Variants in GSE1 observed in about 807,000 individuals in gnomAD.
The protein encoded by GSE1 is genetic suppressor element 1.
A neutral mutation model predicts 112.6 loss-of-function variants in GSE1; 32 were observed. The ratio of observed to expected loss-of-function variants is 0.28; its 90% CI spans 0.21 to 0.38. The LOEUF (loss-of-function observed/expected upper bound fraction) is 0.38, where lower values mean the gene tolerates loss of function less well. Ranked by LOEUF, GSE1 falls within the 10% of genes least tolerant of loss-of-function variation. The pLI, the probability that GSE1 is intolerant of heterozygous loss-of-function variation, is 1.00. For synonymous variants in GSE1, 1,115 were observed against 735.6 expected, an observed-to-expected ratio of 1.52 and a Z score of -8.35; for missense variants, 2,348 against 1,699.2, an observed-to-expected ratio of 1.38 and a Z score of -6.71.
intron 1 of GSE1, among the ~76,000 whole-genome samples, chr16:85,242,937 G>T (rs1905276021): frequency 6.6e-6 from 1 of 152,132 alleles, no homozygotes; most frequent in Non-Finnish European, 1.5e-5. Context: ...CCAGCCTCCT[G>T]AGTAGCTGAG....
intron 2 of GSE1, among the ~76,000 whole-genome samples, chr16:85,508,200 AT>A (rs1177480427): frequency 6.6e-6 from 1 of 151,884 alleles, no homozygotes; most frequent in Non-Finnish European, 1.5e-5. Context: ...CGCCCAGCTA[AT>A]TTTTGTGTTT....
intron 2 of GSE1, among the ~76,000 whole-genome samples, chr16:85,481,003 C>T (rs561659648): frequency 1.3e-5 from 2 of 152,234 alleles, no homozygotes; most frequent in African/African-American, 4.8e-5. Context: ...GCTCTGATTT[C>T]AGTTTTATTT....
chr16:85,280,991 T>C (rs563499384), intron 1 of GSE1, among the ~76,000 whole-genome samples: 93 of 152,248 alleles, frequency 6.1e-4, no homozygotes, highest in Non-Finnish European at 4.9e-4. Context: ...CCTGGGCCGG[T>C]CAGAGCTGCC....
intron 1 of GSE1, among the ~76,000 whole-genome samples, chr16:85,314,686 G>A (rs2045950320): frequency 6.6e-6 from 1 of 152,176 alleles, no homozygotes; most frequent in Non-Finnish European, 1.5e-5. Context: ...TGGGTCTCTG[G>A]CTTAGAAGCC....
intron 1 of GSE1, among the ~76,000 whole-genome samples, chr16:85,307,508 A>G (rs1306957459): frequency 6.6e-6 from 1 of 152,220 alleles, no homozygotes; most frequent in African/African-American, 2.4e-5. Flanking sequence ...GGAGGGACCC[A>G]TGGGGTGAGC....
At chr16:85,304,609 T>TGGGGGGG (rs34644508) in intron 1 of GSE1, among the ~76,000 whole-genome samples, 3 of 110,940 alleles carry the variant, frequency 2.7e-5, no homozygotes, top group African/African-American at 9.1e-5. Flanking sequence ...GGCGGGGGGG[T>TGGGGGGG]GGGGCATCCC....
intron 1 of GSE1, among the ~76,000 whole-genome samples, chr16:85,561,895 C>G (rs976272698): frequency 6.6e-6 from 1 of 152,224 alleles, no homozygotes; most frequent in Non-Finnish European, 1.5e-5. Flanking sequence ...GGCAGGGGCT[C>G]AGGCCCACCT....
intron 1 of GSE1, among the ~76,000 whole-genome samples, chr16:85,312,148 C>T (rs538311562): frequency 4.2e-5 from 6 of 143,592 alleles, no homozygotes; most frequent in South Asian, 4.3e-4. Context: ...CATCCCCTCC[C>T]GTGTGCCCAG....
At chr16:85,560,412 C>A (rs979315541) in intron 1 of GSE1, among the ~76,000 whole-genome samples, 1 of 152,090 alleles carries the variant, frequency 6.6e-6, no homozygotes, top group Non-Finnish European at 1.5e-5. Context: ...TGTGAGCCAC[C>A]GCACCTGGCC....
At chr16:85,329,783 A>T (rs1370887178) in intron 1 of GSE1, among the ~76,000 whole-genome samples, 2 of 150,626 alleles carry the variant, frequency 1.3e-5, no homozygotes, top group Non-Finnish European at 3.0e-5. Context: ...CAAGGAACTC[A>T]TTAAAACAGT....
Position 85,383,059 on chromosome 16 carries a change from GCA to G in GSE1, c.2464+25427_2464+25428del, listed in dbSNP as rs200672247. 1.2e-3 allele frequency among the ~76,000 whole-genome samples: 172 copies of G among 146,082 alleles called. 4 individuals carry two copies. The South Asian group carries it at 0.029, about 25-fold the overall frequency. On this transcript the variant is annotated intron_variant, in intron 2 of 2. Coordinates refer to the GSE1 transcript ENST00000637419. ...ACACACACCGTGTACATGCATGTGC[GCA>G]CACACACACATGTAATCACAGCCTT...
intron 1 of GSE1, among the ~76,000 whole-genome samples, chr16:85,255,434 C>T (rs1436043826): frequency 4.2e-5 from 6 of 141,798 alleles, no homozygotes; most frequent in Admixed American, 1.4e-4. Flanking sequence ...TTTTTTGAGA[C>T]GGAGTCTTGC....
At chr16:85,442,475 TAGAG>T (rs888428152) in intron 2 of GSE1, among the ~76,000 whole-genome samples, 22 of 140,798 alleles carry the variant, frequency 1.6e-4, no homozygotes, top group Non-Finnish European at 1.6e-4. Flanking sequence ...AATGAAGGGA[TAGAG>T]AGAGGGGAGC....
intron 2 of GSE1, among the ~76,000 whole-genome samples, chr16:85,403,099 G>GT (rs397776216): frequency 3.3e-5 from 5 of 151,624 alleles, no homozygotes; most frequent in Non-Finnish European, 4.4e-5. Context: ...GCTGGGGGGG[G>GT]ACTCAGTTCC....
At chr16:85,408,527 A>G (rs1220474778) in intron 2 of GSE1, among the ~76,000 whole-genome samples, 3 of 37,726 alleles carry the variant, frequency 8.0e-5, no homozygotes, top group African/African-American at 3.5e-4. Context: ...GGCCCCCTGG[A>G]TAATCCTCAC....
intron 2 of GSE1, among the ~76,000 whole-genome samples, chr16:85,438,829 C>A (rs1417745486): frequency 6.6e-6 from 1 of 152,200 alleles, no homozygotes; most frequent in Non-Finnish European, 1.5e-5. Flanking sequence ...CTGGGACCAG[C>A]CCTCAGGTCT....
chr16:85,499,295 CTTTTTTTTTTTTTTTTTTTTTTT>C (rs568776401), intron 2 of GSE1, among the ~76,000 whole-genome samples: 1 of 77,162 alleles, frequency 1.3e-5, no homozygotes, highest in African/African-American at 5.1e-5. Context: ...GGAAAGTCAC[CTTTTTTTTTTTTTTTTTTTTTTT>C]TTTTTTTTTT....
chr16:85,651,500 G>A (rs2051353040), intron 3 of GSE1, among the ~76,000 whole-genome samples: 1 of 152,198 alleles, frequency 6.6e-6, no homozygotes, highest in Non-Finnish European at 1.5e-5. Flanking sequence ...GAGGGGAGAA[G>A]GGGTTCAAGG....
chr16:85,333,356 G>A (rs754307604), intron 1 of GSE1, among the ~76,000 whole-genome samples: 11 of 152,208 alleles, frequency 7.2e-5, no homozygotes, highest in Non-Finnish European at 1.2e-4. Flanking sequence ...CCAGAGGCCA[G>A]TATGATGGAG....
Sources: allele counts gnomAD v4.1 joint callset (sites outside exome capture counted in the v4.1 genomes callset), GRCh38; gene constraint gnomAD v4.1.1; transcripts MANE v1.5; gene names NCBI Gene and HGNC (gene_info 2026-07-23, HGNC 2026-07-21).